Variants in COL10A1 observed in about 807,000 individuals in gnomAD.
COL10A1 encodes the protein collagen type X alpha 1 chain.
In COL10A1, 10 loss-of-function variants were observed where a neutral mutation model predicts 18.2. That is an observed-to-expected ratio of 0.55 (90% confidence interval 0.34 to 0.93). COL10A1 has a LOEUF of 0.93. Among genes scored for constraint, COL10A1 ranks in the 40% least tolerant of loss-of-function variants. COL10A1 has a pLI of 0.02. For missense variants in COL10A1, 897 were observed against 853.5 expected (o/e 1.05, Z -0.64); for synonymous variants, 330 against 316.6 (o/e 1.04, Z -0.45).
chr6:116,140,010 G>A (rs1051269539), intron 1 of COL10A1, among the ~76,000 whole-genome samples: 6 of 152,132 alleles, frequency 3.9e-5, no homozygotes, highest in African/African-American at 7.2e-5. Context: ...AGAGACTTAC[G>A]TGATAGATAT....
At chr6:116,201,185 G>A in the COL10A1 span, among the ~76,000 whole-genome samples, 2 of 151,962 alleles carry the variant, frequency 1.3e-5, no homozygotes, top group African/African-American at 4.8e-5. Flanking sequence ...AATCTTGGAG[G>A]GACAATACAT....
At chr6:116,195,675 G>C in the COL10A1 span, among the ~76,000 whole-genome samples, 1 of 151,964 alleles carries the variant, frequency 6.6e-6, no homozygotes, top group East Asian at 1.9e-4. Context: ...GGTTGGAAAA[G>C]GCACATCTTT....
At position 116,121,754 on chromosome 6, in the gene COL10A1, CCTCT is replaced by C. The variant is rs1473887038; in HGVS notation, c.358_361del (p.Arg120AspfsTer64). On this transcript the variant is annotated frameshift_variant, in exon 3 of 3. Coordinates refer to ENST00000651968, the MANE Select transcript of COL10A1 (RefSeq NM_000493.4). LOFTEE classifies it low-confidence loss of function (END_TRUNC). ...AACATCTCCTTTTGGTCCATATGGT[CCTCT>C]CTCTCCTGGTTTTCCTGGGAGTCCT... The C allele has an allele frequency of 1.9e-6, 3 of 1,613,880 alleles. No individual in the cohort carries two copies. Among genetic ancestry groups the C allele is most frequent in the East Asian group, 2.2e-5 (1 of 44,864 alleles).
At chr6:116,124,178 T>C (rs148238482) in intron 2 of COL10A1, among the ~76,000 whole-genome samples, 3 of 152,220 alleles carry the variant, frequency 2.0e-5, no homozygotes, top group Admixed American at 2.0e-4. Context: ...TCTTTCTTCT[T>C]AAAAAGACAA....
chr6:116,133,028 G>A (rs546132043), intron 1 of COL10A1, among the ~76,000 whole-genome samples: 8 of 152,236 alleles, frequency 5.3e-5, no homozygotes, highest in East Asian at 1.9e-4. Context: ...CCCCTGAAAC[G>A]TCAGATCAGG....
chr6:116,213,561 C>G, the COL10A1 span, among the ~76,000 whole-genome samples: 4 of 152,110 alleles, frequency 2.6e-5, no homozygotes, highest in African/African-American at 4.8e-5. Context: ...AACTCCAACT[C>G]TAGACATATG....
intron 1 of COL10A1, among the ~76,000 whole-genome samples, chr6:116,134,317 G>T (rs1038873082): frequency 6.6e-6 from 1 of 152,156 alleles, no homozygotes; most frequent in Non-Finnish European, 1.5e-5. Flanking sequence ...GGAGATAAAC[G>T]CCAGACACCA....
At chr6:116,157,367 A>T (rs138533804) in intron 1 of COL10A1, among the ~76,000 whole-genome samples, 1 of 152,206 alleles carries the variant, frequency 6.6e-6, no homozygotes, top group Non-Finnish European at 1.5e-5. Flanking sequence ...CTTCCACCTT[A>T]TTACAGTCTT....
chr6:116,202,636 T>C, the COL10A1 span, among the ~76,000 whole-genome samples: 6 of 152,160 alleles, frequency 3.9e-5, no homozygotes, highest in East Asian at 1.9e-4. Flanking sequence ...CAGAGTCATA[T>C]GAAAATCCAG....
chr6:116,179,054 T>A, the COL10A1 span, among the ~76,000 whole-genome samples: 2 of 152,210 alleles, frequency 1.3e-5, no homozygotes, highest in Admixed American at 1.3e-4. Flanking sequence ...GTTTGTAAAA[T>A]TCGATATGTT....
intron 1 of COL10A1, among the ~76,000 whole-genome samples, chr6:116,141,343 C>T (rs1779759099): frequency 6.6e-6 from 1 of 151,462 alleles, no homozygotes; most frequent in African/African-American, 2.4e-5. Flanking sequence ...ATATGTGTTG[C>T]AGATACTTCC....
At chr6:116,143,351 T>C (rs1395403683) in intron 1 of COL10A1, among the ~76,000 whole-genome samples, 2 of 152,080 alleles carry the variant, frequency 1.3e-5, no homozygotes, top group East Asian at 3.9e-4. Context: ...GCTGGGATTA[T>C]AGGCATGCAT....
the COL10A1 span, among the ~76,000 whole-genome samples, chr6:116,167,948 G>T: frequency 6.6e-6 from 1 of 151,952 alleles, no homozygotes. Flanking sequence ...CTGCACTATA[G>T]TCTAGTTTCT....
upstream of COL10A1, among the ~76,000 whole-genome samples, chr6:116,163,068 AG>A (rs369189532): frequency 3.4e-3 from 497 of 145,722 alleles, 14 homozygotes; most frequent in South Asian, 0.045. Flanking sequence ...TGGAGCTTGC[AG>A]TGAGCCGAGA....
At chr6:116,182,140 AC>A in the COL10A1 span, among the ~76,000 whole-genome samples, 1 of 151,660 alleles carries the variant, frequency 6.6e-6, no homozygotes, top group Admixed American at 6.6e-5. Flanking sequence ...GAGTTACTTC[AC>A]CTAGAACCTC....
the COL10A1 span, among the ~76,000 whole-genome samples, chr6:116,199,109 C>G: frequency 1.3e-5 from 2 of 151,874 alleles, no homozygotes; most frequent in Non-Finnish European, 2.9e-5. Flanking sequence ...CCAAATGTCC[C>G]TGGGGGGTGA....
At chr6:116,159,552 G>T (rs1780281599), upstream of COL10A1, among the ~76,000 whole-genome samples, 1 of 152,192 alleles carries the variant, frequency 6.6e-6, no homozygotes, top group South Asian at 2.1e-4. Context: ...CAAACTTGCT[G>T]AATCTGTATG....
At chr6:116,185,550 G>C in the COL10A1 span, among the ~76,000 whole-genome samples, 1 of 152,066 alleles carries the variant, frequency 6.6e-6, no homozygotes, top group African/African-American at 2.4e-5. Context: ...GAGCTCTACT[G>C]TTGGGTGCGT....
intron 1 of COL10A1, among the ~76,000 whole-genome samples, chr6:116,151,785 T>C (rs1334438909): frequency 6.6e-6 from 1 of 152,214 alleles, no homozygotes; most frequent in Non-Finnish European, 1.5e-5. Flanking sequence ...AATAAACTTT[T>C]TTTAAAAAAG....
Sources: gnomAD v4.1 joint callset for allele counts (sites outside exome capture counted in the v4.1 genomes callset) on GRCh38, gnomAD v4.1.1 for gene constraint, MANE v1.5 for transcripts, NCBI Gene and HGNC (gene_info 2026-07-23, HGNC 2026-07-21) for gene names.